OR2Y1: variants seen among roughly 807,000 people sequenced by gnomAD.
OR2Y1 encodes olfactory receptor 2Y1.
For missense variants in OR2Y1, 412 were observed against 388.4 expected, an observed-to-expected ratio of 1.06 and a Z score of -0.51; for synonymous variants, 163 against 154.2, an observed-to-expected ratio of 1.06 and a Z score of -0.42.
Position 180,739,378 on chromosome 5 carries a change from C to T in OR2Y1, c.681G>A (p.Val227=). The T allele has an allele frequency of 1.9e-6, 3 of 1,614,214 alleles. No homozygotes were observed. The highest frequency in any genetic ancestry group is 2.2e-5 in the South Asian group (2 of 91,082). Residue 227 remains valine (V), a synonymous_variant, in exon 1 of 1, where the codon GTG becomes GTA. Transcript: ENST00000307832. ...CCTTTCTGCGCCCAGCCGTTGACTT[C>T]ACCCTCAGCACTGCATGAGCAATGT... ...YVHIAHAVLR[V]KSTAGRRKAF...
In OR2Y1 at chr5:180,739,778, C is replaced by T. The variant is rs777452024; in HGVS notation, c.281G>A (p.Arg94His). 23 of 1,614,078 alleles carry T rather than the reference C, an allele frequency of 1.4e-5. No homozygotes were observed. The highest frequency in any genetic ancestry group is 5.0e-5 in the Admixed American group (3 of 60,014). The change falls in exon 1 of 1, where the codon CGT (arginine) becomes CAT (histidine). Residue 94 changes from arginine to histidine, a missense_variant. By Grantham distance (29) the Arg-to-His change is conservative. Transcript: ENST00000307832. ...GAAGAGCTGAGCCACACACCCTCCACGGGTGATGGTGCGGTCCACCCCGCA... is the reference window on the plus strand; with the variant it reads ...GAAGAGCTGAGCCACACACCCTCCATGGGTGATGGTGCGGTCCACCCCGCA... ...NLCGVDRTIT[R>H]GGCVAQLFIY... is the part of the protein sequence containing the mutation.
At position 180,739,139 on chromosome 5, in the gene OR2Y1, C is replaced by A. The variant is rs975372539; in HGVS notation, c.920G>T (p.Gly307Val). 1 of 1,601,862 alleles carries A rather than the reference C, an allele frequency of 6.2e-7. No individual in the cohort carries two copies. The highest frequency in any genetic ancestry group is 8.5e-7 in the Non-Finnish European group (1 of 1,175,710). ...TTTCACCTCCTACCCTGAGTCCCTG[C>A]CCCTCCATAGTACTTTCCACAGAGC... Reference protein sequence around the residue: ...KGALWKVLWRGRDSG With the variant: ...KGALWKVLWRVRDSG The change falls in exon 1 of 1, where the codon GGC (glycine) becomes GTC (valine). Residue 307 changes from glycine to valine, a missense_variant. Physicochemically the swap from Gly to Val is moderately radical, Grantham distance 109. Transcript: ENST00000307832.
chr5:180,739,889 G>A lies in OR2Y1; in HGVS notation c.170C>T (p.Thr57Ile). The A allele has an allele frequency of 1.9e-6, 3 of 1,614,242 alleles. No individual in the cohort carries two copies. Among genetic ancestry groups the A allele is most frequent in the Non-Finnish European group, 2.5e-6 (3 of 1,180,036 alleles). Residue 57 changes from threonine to isoleucine, a missense_variant, in exon 1 of 1, where the codon ACA (threonine) becomes ATA (isoleucine). Transcript: ENST00000307832. ...ALSWLDLRLH[T>I]PMYFFLSHLS... ...ATGAGAGAGAAAGAAGTACATAGGT[G>A]TGTGCAGCCGAAGGTCTAGCCAGGA...
At position 180,739,891 on chromosome 5, in the gene OR2Y1, G is replaced by A. The variant is rs764072245; in HGVS notation, c.168C>T (p.His56=). ...GAGAGAGAAAGAAGTACATAGGTGT[G>A]TGCAGCCGAAGGTCTAGCCAGGAGA... ...IALSWLDLRL[H]TPMYFFLSHL... Residue 56 remains histidine (H), a synonymous_variant, in exon 1 of 1, where the codon CAC becomes CAT. Coordinates refer to ENST00000307832, the MANE Select transcript of OR2Y1 (RefSeq NM_001001657.1). 6.2e-7 allele frequency: 1 copy of A among 1,614,254 alleles called. No homozygotes were observed.
rs1766820179 is a variant in OR2Y1 at position 180,739,880 on chromosome 5, T to C, written c.179A>G (p.Tyr60Cys). 6.2e-7 allele frequency: 1 copy of C among 1,614,004 alleles called. No individual in the cohort carries two copies. Among genetic ancestry groups the C allele is most frequent in the African/African-American group, 1.3e-5 (1 of 74,922 alleles). ...GAGGGACAGATGAGAGAGAAAGAAG[T>C]ACATAGGTGTGTGCAGCCGAAGGTC... ...WLDLRLHTPM[Y>C]FFLSHLSLLD... is the part of the protein sequence containing the mutation. Residue 60 changes from tyrosine (Y) to cysteine (C), a missense_variant, in exon 1 of 1, where the codon TAC becomes TGC. Transcript: ENST00000307832.
Position 180,739,499 on chromosome 5 carries a change from G to A in OR2Y1, c.560C>T (p.Ala187Val), listed in dbSNP as rs112381287. Reference protein sequence around the residue: ...FCEMPVFLKLACADTEGTEAK... With the variant: ...FCEMPVFLKLVCADTEGTEAK... ...CTCTGTTCCTTCTGTGTCCGCACAAGCCAACTTCAGAAATACAGGCATCTC... is the reference window on the plus strand; with the variant it reads ...CTCTGTTCCTTCTGTGTCCGCACAAACCAACTTCAGAAATACAGGCATCTC... Residue 187 changes from alanine to valine, a missense_variant, in exon 1 of 1, where the codon GCT (alanine) becomes GTT (valine). Ala to Val is a moderately conservative substitution (Grantham distance 64). Transcript: ENST00000307832. 22 of 1,614,242 alleles carry A rather than the reference G, an allele frequency of 1.4e-5. No individual in the cohort carries two copies. Among genetic ancestry groups the A allele is most frequent in the African/African-American group, 1.3e-4 (10 of 75,076 alleles).
rs373749826 is a variant in OR2Y1, at chr5:180,739,704, C to A, written c.355G>T (p.Ala119Ser). 5.6e-6 allele frequency: 9 copies of A among 1,614,084 alleles called. No homozygotes were observed. The African/African-American group carries it at 9.3e-5, about 17-fold the overall frequency. Residue 119 changes from alanine (A) to serine (S), a missense_variant, in exon 1 of 1, where the codon GCC (alanine) becomes TCC (serine). Physicochemically the swap from Ala to Ser is moderately conservative, Grantham distance 99 (BLOSUM62 1). Transcript: ENST00000307832. ...CAGACAGCAGCATAGCGGTCAAAGG[C>A]CATCACCACCAGGAGCACACACTCT... ...STECVLLVVM[A>S]FDRYAAVCRP...
In OR2Y1 at chr5:180,739,990, C is replaced by T. The variant is rs1276234987; in HGVS notation, c.69G>A (p.Leu23=). The change falls in exon 1 of 1, where the codon CTG becomes CTA. Residue 23 remains leucine, a synonymous_variant. Coordinates refer to ENST00000307832, the MANE Select transcript of OR2Y1 (RefSeq NM_001001657.1). ...AAATAAAGACAAACAGGATGGGCTC[C>T]AGTTGCGGCCAATCTGAGAATCCCA... is the stretch of plus-strand genomic sequence containing the variant. The part of the protein sequence containing the change: ...ILVGFSDWPQ[L]EPILFVFIFI... The T allele has an allele frequency of 6.2e-7, 1 of 1,613,656 alleles. No individual in the cohort carries two copies. Among genetic ancestry groups the T allele is most frequent in the Non-Finnish European group, 8.5e-7 (1 of 1,180,016 alleles).
rs1405652516 is a variant in OR2Y1, at chr5:180,739,191, T to G, written c.868A>C (p.Thr290Pro). The change falls in exon 1 of 1, where the codon ACA becomes CCA. Residue 290 changes from threonine (T) to proline (P), a missense_variant. Transcript: ENST00000307832. ...CCCTTCACGTCCTTGTTTCTTAGTG[T>G]ATAAATGAGAGGATTGAGAATGGGG... ...ITPILNPLIY[T>P]LRNKDVKGAL... 6.2e-7 allele frequency: 1 copy of G among 1,613,958 alleles called. No homozygotes were observed. The highest frequency in any genetic ancestry group is 1.3e-5 in the African/African-American group (1 of 74,896).
chr5:180,739,902 G>A lies in OR2Y1; in HGVS notation c.157C>T (p.Leu53Phe). 1.9e-6 allele frequency: 3 copies of A among 1,614,210 alleles called. No homozygotes were observed. The highest frequency in any genetic ancestry group is 2.2e-5 in the East Asian group (1 of 44,890). ...TIIIALSWLD[L>F]RLHTPMYFFL... is the part of the protein sequence containing the mutation. ...AAGTACATAGGTGTGTGCAGCCGAA[G>A]GTCTAGCCAGGAGAGAGCGATGATG... Residue 53 changes from leucine to phenylalanine, a missense_variant, in exon 1 of 1, where the codon CTT (leucine) becomes TTT (phenylalanine). Transcript: ENST00000307832.
Position 180,739,898 on chromosome 5 carries a change from C to A in OR2Y1, c.161G>T (p.Arg54Leu). 1 of 1,614,062 alleles carries A rather than the reference C, an allele frequency of 6.2e-7. No homozygotes were observed. Among genetic ancestry groups the A allele is most frequent in the Non-Finnish European group, 8.5e-7 (1 of 1,180,018 alleles). ...AAAGAAGTACATAGGTGTGTGCAGC[C>A]GAAGGTCTAGCCAGGAGAGAGCGAT... Reference protein sequence around the residue: ...IIIALSWLDLRLHTPMYFFLS... With the variant: ...IIIALSWLDLLLHTPMYFFLS... The change falls in exon 1 of 1, where the codon CGG (arginine) becomes CTG (leucine). Residue 54 changes from arginine (R) to leucine (L), a missense_variant. Arg to Leu is a moderately radical substitution (Grantham distance 102). Coordinates refer to ENST00000307832, the MANE Select transcript of OR2Y1 (RefSeq NM_001001657.1).
rs1197924152 is a variant in OR2Y1 at position 180,739,780 on chromosome 5, G to A, written c.279C>T (p.Thr93=). The part of the protein sequence containing the change: ...INLCGVDRTI[T]RGGCVAQLFI... ...AGAGCTGAGCCACACACCCTCCACG[G>A]GTGATGGTGCGGTCCACCCCGCAAA... Residue 93 remains threonine, a synonymous_variant, in exon 1 of 1, where the codon ACC becomes ACT. Coordinates refer to ENST00000307832, the MANE Select transcript of OR2Y1 (RefSeq NM_001001657.1). 1 of 1,614,222 alleles carries A rather than the reference G, an allele frequency of 6.2e-7. No homozygotes were observed. The highest frequency in any genetic ancestry group is 1.3e-5 in the African/African-American group (1 of 75,058).
Position 180,739,683 on chromosome 5 carries a change from C to G in OR2Y1, c.376G>C (p.Val126Leu), listed in dbSNP as rs376150887. The stretch of plus-strand genomic sequence containing the variant: ...GCCATGTAGTGGAGTGGACGACAGA[C>G]AGCAGCATAGCGGTCAAAGGCCATC... The part of the protein sequence containing the change: ...VVMAFDRYAA[V>L]CRPLHYMAIM... The change falls in exon 1 of 1, where the codon GTC (valine) becomes CTC (leucine). Residue 126 changes from valine (V) to leucine (L), a missense_variant. Val to Leu is a conservative substitution (Grantham distance 32). Transcript: ENST00000307832. 10 of 1,614,118 alleles carry G rather than the reference C, an allele frequency of 6.2e-6. No homozygotes were observed. In the Middle Eastern group the frequency reaches 4.9e-4, roughly 80 times the overall value.
rs369154399 is a variant in OR2Y1, at chr5:180,739,943, A to G, written c.116T>C (p.Leu39Pro). 4.3e-6 allele frequency: 7 copies of G among 1,614,172 alleles called. No homozygotes were observed. The highest frequency in any genetic ancestry group is 4.5e-5 in the East Asian group (2 of 44,890). Reference sequence around the variant, plus strand: ...AGCGATGATGATGGTGTTGCCAAAGAGAGTTAGGGAGTAGAAAATAAAAAT... The same window carrying G: ...AGCGATGATGATGGTGTTGCCAAAGGGAGTTAGGGAGTAGAAAATAAAAAT... ...VFIFIFYSLT[L>P]FGNTIIIALS... The change falls in exon 1 of 1, where the codon CTC becomes CCC. Residue 39 changes from leucine to proline, a missense_variant. Leu to Pro is a moderately conservative substitution (Grantham distance 98). Coordinates refer to ENST00000307832, the MANE Select transcript of OR2Y1 (RefSeq NM_001001657.1).
In OR2Y1 at chr5:180,740,026, G is replaced by A. The variant is rs1282529566; in HGVS notation, c.33C>T (p.Gly11=). 6.2e-7 allele frequency: 1 copy of A among 1,612,768 alleles called. No individual in the cohort carries two copies. The highest frequency in any genetic ancestry group is 8.5e-7 in the Non-Finnish European group (1 of 1,179,966). ...AATCTGAGAATCCCACCAAAATGAA[G>A]CCATCTTCAAAACTGGTGTTGAAAC... The part of the protein sequence containing the change: MGSFNTSFED[G]FILVGFSDWP... The change falls in exon 1 of 1, where the codon GGC becomes GGT. Residue 11 remains glycine, a synonymous_variant. Coordinates refer to ENST00000307832, the MANE Select transcript of OR2Y1 (RefSeq NM_001001657.1).
chr5:180,739,459 C>A lies in OR2Y1; in HGVS notation c.600G>T (p.Val200=). The A allele has an allele frequency of 6.2e-7, 1 of 1,614,222 alleles. No individual in the cohort carries two copies. Among genetic ancestry groups the A allele is most frequent in the Non-Finnish European group, 8.5e-7 (1 of 1,180,046 alleles). The part of the protein sequence containing the change: ...DTEGTEAKMF[V]ARVIVVAVPA... ...GAACAGCCACGACTATGACTCGGGCCACAAACATCTTGGCCTCTGTTCCTT... is the reference window on the plus strand; with the variant it reads ...GAACAGCCACGACTATGACTCGGGCAACAAACATCTTGGCCTCTGTTCCTT... The change falls in exon 1 of 1, where the codon GTG becomes GTT. Residue 200 remains valine, a synonymous_variant. Coordinates refer to ENST00000307832, the MANE Select transcript of OR2Y1 (RefSeq NM_001001657.1).
rs1449543850 is a variant in OR2Y1, at chr5:180,739,299, C to T, written c.760G>A (p.Ala254Thr). ...ATGGATTGGAGATATGTGTAGATGGCTGAGCCATAAAAAAGGAAAACTACT... is the reference window on the plus strand; with the variant it reads ...ATGGATTGGAGATATGTGTAGATGGTTGAGCCATAAAAAAGGAAAACTACT... ...LLVVFLFYGSAIYTYLQSIHN... is the reference protein window; with the variant it reads ...LLVVFLFYGSTIYTYLQSIHN... The change falls in exon 1 of 1, where the codon GCC becomes ACC. Residue 254 changes from alanine to threonine, a missense_variant. Transcript: ENST00000307832. The T allele has an allele frequency of 5.6e-6, 9 of 1,613,848 alleles. No homozygotes were observed. The highest frequency in any genetic ancestry group is 1.6e-4 in the Middle Eastern group (1 of 6,084).
In OR2Y1 at chr5:180,739,701, A is replaced by C. The variant is rs1257717826; in HGVS notation, c.358T>G (p.Phe120Val). ...TECVLLVVMA[F>V]DRYAAVCRPL... ...CGACAGACAGCAGCATAGCGGTCAAAGGCCATCACCACCAGGAGCACACAC... is the reference window on the plus strand; with the variant it reads ...CGACAGACAGCAGCATAGCGGTCAACGGCCATCACCACCAGGAGCACACAC... Residue 120 changes from phenylalanine (F) to valine (V), a missense_variant, in exon 1 of 1, where the codon TTT becomes GTT. Physicochemically the swap from Phe to Val is conservative, Grantham distance 50. Coordinates refer to ENST00000307832, the MANE Select transcript of OR2Y1 (RefSeq NM_001001657.1). 1 of 1,614,240 alleles carries C rather than the reference A, an allele frequency of 6.2e-7. No homozygotes were observed. Among genetic ancestry groups the C allele is most frequent in the South Asian group, 1.1e-5 (1 of 91,088 alleles).
Position 180,739,828 on chromosome 5 carries a change from G to C in OR2Y1, c.231C>G (p.Thr77=), listed in dbSNP as rs376517462. 2.4e-5 allele frequency: 38 copies of C among 1,614,108 alleles called. No individual in the cohort carries two copies. Among genetic ancestry groups the C allele is most frequent in the Non-Finnish European group, 2.9e-5 (34 of 1,180,044 alleles). Reference sequence around the variant, plus strand: ...AAAGGTTGATCAGGAGCTGGGGCACGGTGCTGGTGGTGAAGCAGAGGTCCA... The same window carrying C: ...AAAGGTTGATCAGGAGCTGGGGCACCGTGCTGGTGGTGAAGCAGAGGTCCA... ...SLLDLCFTTS[T]VPQLLINLCG... The change falls in exon 1 of 1, where the codon ACC becomes ACG. Residue 77 remains threonine (T), a synonymous_variant. Coordinates refer to ENST00000307832, the MANE Select transcript of OR2Y1 (RefSeq NM_001001657.1).
Sources: allele counts gnomAD v4.1 joint callset, GRCh38; gene constraint gnomAD v4.1.1; transcripts MANE v1.5; gene names NCBI Gene and HGNC (gene_info 2026-07-23, HGNC 2026-07-21).